Variants in TMEM44 observed in about 807,000 individuals in gnomAD.
The protein encoded by TMEM44 is transmembrane protein 44.
TMEM44 carries 43 observed loss-of-function variants against 47.8 expected under a neutral mutation model. The ratio of observed to expected loss-of-function variants is 0.90; its 90% CI spans 0.70 to 1.16. TMEM44 has a LOEUF of 1.16. Ranked by LOEUF, TMEM44 falls within the 50% of genes most tolerant of loss-of-function variation. TMEM44 has a pLI of 0.00. For missense variants in TMEM44, 568 were observed against 555.2 expected (o/e 1.02, Z -0.23); for synonymous variants, 277 against 238.8 (o/e 1.16, Z -1.48).
intron 1 of TMEM44, among the ~76,000 whole-genome samples, chr3:194,628,952 T>G (rs1476555973): frequency 6.6e-6 from 1 of 152,076 alleles, no homozygotes; most frequent in Non-Finnish European, 1.5e-5. Flanking sequence ...TCCTCTGAGG[T>G]CAGGAGTTCG....
intron 1 of TMEM44, among the ~76,000 whole-genome samples, chr3:194,632,551 C>G (rs1053103793): frequency 4.6e-5 from 7 of 152,214 alleles, no homozygotes. Context: ...GATCATATCA[C>G]TACCTCCCTT....
Position 194,626,009 on chromosome 3 carries a change from A to G in TMEM44, c.265-19T>C, listed in dbSNP as rs760564236. 4 of 1,583,084 alleles carry G rather than the reference A, an allele frequency of 2.5e-6. No homozygotes were observed. The South Asian group carries it at 4.4e-5, about 18-fold the overall frequency. On this transcript the variant is annotated intron_variant, in intron 2 of 9. Transcript: ENST00000347147. ...TGAAAACCTGGGAGCAAACGGGAAG[A>G]GAGTCTTGGCATTCAAGCATCTTTC...
intron 9 of TMEM44, among the ~76,000 whole-genome samples, chr3:194,597,877 G>C (rs1398471053): frequency 6.6e-6 from 1 of 152,120 alleles, no homozygotes; most frequent in Non-Finnish European, 1.5e-5. Flanking sequence ...CAGAAAGTGA[G>C]GGGTCACTCC....
At chr3:194,607,478 C>T (rs183170740) in intron 8 of TMEM44, among the ~76,000 whole-genome samples, 2 of 152,222 alleles carry the variant, frequency 1.3e-5, no homozygotes, top group Admixed American at 1.3e-4. Context: ...CGCCATTTAT[C>T]AAGTGTTTAC....
At chr3:194,632,391 G>A (rs1431430756) in intron 1 of TMEM44, among the ~76,000 whole-genome samples, 2 of 152,150 alleles carry the variant, frequency 1.3e-5, no homozygotes, top group African/African-American at 2.4e-5. Flanking sequence ...ATGCTTGGGC[G>A]GCACCATCCT....
At position 194,590,429 on chromosome 3, in the gene TMEM44, C is replaced by T. The variant is rs545866777; in HGVS notation, c.1177-1790G>A. 8.5e-5 allele frequency among the ~76,000 whole-genome samples: 13 copies of T among 152,332 alleles called. No homozygotes were observed. The South Asian group carries it at 2.7e-3, about 32-fold the overall frequency. On this transcript the variant is annotated intron_variant, in intron 9 of 9. Transcript: ENST00000347147. Reference sequence around the variant, plus strand: ...AGAACATCGCATTAACTTGCGGTCGCAGACCTGGCTGGACCCCTTGAACCA... The same window carrying T: ...AGAACATCGCATTAACTTGCGGTCGTAGACCTGGCTGGACCCCTTGAACCA...
chr3:194,599,414 G>A (rs1019971440), intron 9 of TMEM44, among the ~76,000 whole-genome samples: 2 of 152,130 alleles, frequency 1.3e-5, no homozygotes, highest in Non-Finnish European at 2.9e-5. Context: ...GGCCGCAGAC[G>A]AACCAGGATC....
intron 3 of TMEM44, among the ~76,000 whole-genome samples, chr3:194,625,375 C>T (rs1204741826): frequency 6.6e-6 from 1 of 151,718 alleles, no homozygotes; most frequent in East Asian, 1.9e-4. Context: ...TGGCTGCCCA[C>T]AGTGTGCACA....
chr3:194,619,502 G>A (rs1460866615), intron 5 of TMEM44, among the ~76,000 whole-genome samples: 1 of 152,192 alleles, frequency 6.6e-6, no homozygotes, highest in Non-Finnish European at 1.5e-5. Context: ...CAGCTGCCAG[G>A]ACTCCTGGTG....
intron 9 of TMEM44, among the ~76,000 whole-genome samples, chr3:194,602,602 C>A (rs1269128212): frequency 1.1e-4 from 16 of 143,306 alleles, no homozygotes; most frequent in East Asian, 2.0e-4. Flanking sequence ...AACTCCTTCT[C>A]AAAAAAAAAA....
rs563604340 is a variant in TMEM44 at position 194,593,012 on chromosome 3, T to C, written c.1177-4373A>G. 1.9e-6 allele frequency: 3 copies of C among 1,613,544 alleles called. No homozygotes were observed. In the East Asian group the frequency reaches 6.7e-5, roughly 36 times the overall value. ...AAATCAAGCCATAGGAAGTCCCTCCTGGAAGAGAAAGAGCATGATCGTCCA... is the reference window on the plus strand; with the variant it reads ...AAATCAAGCCATAGGAAGTCCCTCCCGGAAGAGAAAGAGCATGATCGTCCA... On this transcript the variant is annotated intron_variant, in intron 9 of 9. Transcript: ENST00000347147.
At position 194,593,137 on chromosome 3, in the gene TMEM44, G is replaced by A. The variant is rs1712975719; in HGVS notation, c.1177-4498C>T. 18 of 1,556,698 alleles carry A rather than the reference G, an allele frequency of 1.2e-5. No homozygotes were observed. In the South Asian group the frequency reaches 2.0e-4, roughly 17 times the overall value. ...GATTTTGCCACCATCCCACAGCAGA[G>A]CAGAGCTCAGGACCAGCTCCTGTCT... On this transcript the variant is annotated intron_variant, in intron 9 of 9. Coordinates refer to ENST00000347147, the MANE Select transcript of TMEM44 (RefSeq NM_001011655.3).
chr3:194,617,006 G>T, intron 6 of TMEM44, 93 bp downstream of exon 6: 1 of 1,359,436 alleles, frequency 7.4e-7, no homozygotes, highest in South Asian at 1.6e-5. Context: ...CATCTAGCAA[G>T]AGAAAAGAAG....
intron 8 of TMEM44, among the ~76,000 whole-genome samples, chr3:194,606,144 C>T (rs1030089192): frequency 6.6e-6 from 1 of 152,136 alleles, no homozygotes; most frequent in African/African-American, 2.4e-5. Context: ...AAAGATAAAA[C>T]AGAATTTTCA....
rs772779384 is a variant in TMEM44, at chr3:194,597,633, CT to C, written c.1176+6653del. On this transcript the variant is annotated intron_variant, in intron 9 of 9. Coordinates refer to ENST00000347147, the MANE Select transcript of TMEM44 (RefSeq NM_001011655.3). Reference sequence around the variant, plus strand: ...CGAGATTGCGCCATTGCACTTAAACCTGGGTGACTCTGTCTCAAAAAAAAAA... The same window carrying C: ...CGAGATTGCGCCATTGCACTTAAACCGGGTGACTCTGTCTCAAAAAAAAAA... Among the ~76,000 whole-genome samples the C allele has an allele frequency of 4.5e-4, 66 of 148,166 alleles. 1 individual carries two copies. Among genetic ancestry groups the C allele is most frequent in the East Asian group, 5.9e-4 (3 of 5,078 alleles).
At chr3:194,614,884 G>A (rs111678494) in intron 7 of TMEM44, among the ~76,000 whole-genome samples, 382 of 152,194 alleles carry the variant, frequency 2.5e-3, no homozygotes, top group African/African-American at 8.5e-3. Context: ...TTGCGAAACC[G>A]GAGGATCCTA....
Position 194,617,593 on chromosome 3 carries a change from TAC to T in TMEM44, c.613-326_613-325del, listed in dbSNP as rs564043621. ...TTTGATTGATCATGACTCAGCTCTT[TAC>T]ACAGTCAGAGAGCTCCTGAGGGCTG... On this transcript the variant is annotated intron_variant, in intron 5 of 9. Coordinates refer to ENST00000347147, the MANE Select transcript of TMEM44 (RefSeq NM_001011655.3). 6.8e-4 allele frequency: 473 copies of T among 695,770 alleles called. 2 individuals are homozygous for T. In the African/African-American group the frequency reaches 7.2e-3, roughly 11 times the overall value. The allele number at this position is 695,770 out of a possible 1,614,324, so 43.1% of individuals were successfully genotyped here.
chr3:194,603,467 G>A (rs1289969201), intron 9 of TMEM44, among the ~76,000 whole-genome samples: 3 of 152,098 alleles, frequency 2.0e-5, no homozygotes, highest in African/African-American at 4.8e-5. Flanking sequence ...GCATGATCTT[G>A]GCTCACTGTA....
In TMEM44 at chr3:194,588,418, C is replaced by T. The variant is rs950267692; in HGVS notation, c.*111G>A. On this transcript the variant is annotated 3_prime_UTR_variant, in exon 10 of 10. Transcript: ENST00000347147. ...GTGACGGCTCCTGGTTCCTCACTTGCCAGGGCAGCTTCAGTTCCTGCCGCG... is the reference window on the plus strand; with the variant it reads ...GTGACGGCTCCTGGTTCCTCACTTGTCAGGGCAGCTTCAGTTCCTGCCGCG... The T allele has an allele frequency of 3.5e-5, 32 of 911,938 alleles. No homozygotes were observed. Among genetic ancestry groups the T allele is most frequent in the South Asian group, 3.3e-4 (21 of 64,266 alleles). The allele number at this position is 911,938 out of a possible 1,614,324, so 56.5% of individuals were successfully genotyped here.
Sources: gnomAD v4.1 joint callset for allele counts (sites outside exome capture counted in the v4.1 genomes callset) on GRCh38, gnomAD v4.1.1 for gene constraint, MANE v1.5 for transcripts, NCBI Gene and HGNC (gene_info 2026-07-23, HGNC 2026-07-21) for gene names.